Variants in PCDHGA2 observed in about 807,000 individuals in gnomAD.
PCDHGA2 encodes the protein protocadherin gamma subfamily A, 2.
Under a neutral mutation model 59.2 loss-of-function variants are expected in PCDHGA2, and 40 were observed. That is an observed-to-expected ratio of 0.68 (90% CI 0.52 to 0.88). PCDHGA2 has a LOEUF of 0.88. PCDHGA2 is among the 40% of genes least tolerant of loss of function. The probability of loss-of-function intolerance (pLI) is 0.00; values close to 1 mark genes in which losing one functional copy is unlikely to be tolerated. For synonymous variants in PCDHGA2, 560 were observed against 526.0 expected, an observed-to-expected ratio of 1.06 and a Z score of -0.89; for missense variants, 1,226 against 1,204.0, an observed-to-expected ratio of 1.02 and a Z score of -0.27.
At chr5:141,402,162 A>T (rs2150923142) in intron 1 of PCDHGA2, among the ~76,000 whole-genome samples, 1 of 152,306 alleles carries the variant, frequency 6.6e-6, no homozygotes, top group East Asian at 1.9e-4. Context: ...TTAGGCGAGA[A>T]CATCTGTAAC....
intron 1 of PCDHGA2, among the ~76,000 whole-genome samples, chr5:141,484,419 A>G (rs978469951): frequency 1.3e-5 from 2 of 152,206 alleles, no homozygotes; most frequent in Non-Finnish European, 2.9e-5. Flanking sequence ...TCCTGTTACA[A>G]TGAGAACATG....
At chr5:141,347,465 T>C (rs1186569771) in intron 1 of PCDHGA2, among the ~76,000 whole-genome samples, 1 of 152,034 alleles carries the variant, frequency 6.6e-6, no homozygotes, top group Non-Finnish European at 1.5e-5. Flanking sequence ...TGTTATTCTT[T>C]TCATCTCAAT....
chr5:141,421,201 C>A, intron 1 of PCDHGA2: 3 of 1,518,204 alleles, frequency 2.0e-6, no homozygotes, highest in Non-Finnish European at 2.6e-6. Context: ...GCTCGAGAAA[C>A]CGCGGAATAT....
At chr5:141,499,186 T>A (rs1332703037) in intron 2 of PCDHGA2, among the ~76,000 whole-genome samples, 2 of 152,036 alleles carry the variant, frequency 1.3e-5, no homozygotes, top group Non-Finnish European at 2.9e-5. Context: ...AGCAAACCAT[T>A]TCCCCCTTCT....
chr5:141,479,625 T>C (rs2099501262), intron 1 of PCDHGA2: 1 of 152,228 alleles, frequency 6.6e-6, no homozygotes, highest in Non-Finnish European at 1.5e-5. Flanking sequence ...ACCATGTCTC[T>C]TTAACAATAA....
chr5:141,404,021 A>G, intron 1 of PCDHGA2: 1 of 1,613,894 alleles, frequency 6.2e-7, no homozygotes, highest in Non-Finnish European at 8.5e-7. Flanking sequence ...TAGCCCAGTG[A>G]GAGAAGACGC....
intron 1 of PCDHGA2, among the ~76,000 whole-genome samples, chr5:141,468,193 C>T (rs2099159672): frequency 6.6e-6 from 1 of 151,600 alleles, no homozygotes; most frequent in Non-Finnish European, 1.5e-5. Flanking sequence ...GGCATGGTGG[C>T]GGGTGCCTGT....
At chr5:141,384,593 C>A (rs1449911634) in intron 1 of PCDHGA2, 3 of 1,614,252 alleles carry the variant, frequency 1.9e-6, no homozygotes, top group South Asian at 1.1e-5. Context: ...ATCCTGTACC[C>A]GGCCCTCCCC....
chr5:141,403,703 G>A (rs747321937), intron 1 of PCDHGA2: 5 of 1,613,946 alleles, frequency 3.1e-6, no homozygotes, highest in Non-Finnish European at 4.2e-6. Context: ...CCGAGTTAAA[G>A]TCCTTGAGAA....
rs779183487 is a variant in PCDHGA2, at chr5:141,430,845, C to T, written c.2425-63962C>T. ...GGGACTCTGTGGGAGACCGGATGCA[C>T]CCAGATACGCTATTCAGTTCCGGAA... On this transcript the variant is annotated intron_variant, in intron 1 of 3. Coordinates refer to ENST00000394576, the MANE Select transcript of PCDHGA2 (RefSeq NM_018915.4). 27 of 1,575,514 alleles carry T rather than the reference C, an allele frequency of 1.7e-5. No individual in the cohort carries two copies. In the African/African-American group the frequency reaches 3.7e-4, roughly 21 times the overall value.
At position 141,398,766 on chromosome 5, in the gene PCDHGA2, T is replaced by A. The variant is rs775055352; in HGVS notation, c.2424+57371T>A. On this transcript the variant is annotated intron_variant, in intron 1 of 3. Coordinates refer to ENST00000394576, the MANE Select transcript of PCDHGA2 (RefSeq NM_018915.4). ...AGAGTTACCATCGTTTAGTCCTGACTGCCTTGGACGGTGGACATCCACCCC... is the reference window on the plus strand; with the variant it reads ...AGAGTTACCATCGTTTAGTCCTGACAGCCTTGGACGGTGGACATCCACCCC... 2.1e-5 allele frequency: 34 copies of A among 1,613,844 alleles called. 1 individual carries two copies. In the South Asian group the frequency reaches 3.1e-4, roughly 15 times the overall value.
intron 1 of PCDHGA2, chr5:141,414,638 A>G: frequency 6.2e-7 from 1 of 1,613,988 alleles, no homozygotes; most frequent in Non-Finnish European, 8.5e-7. Flanking sequence ...AGCAAAGAGA[A>G]TGCCCAGATT....
intron 1 of PCDHGA2, chr5:141,441,872 G>T: frequency 2.9e-6 from 1 of 341,646 alleles, no homozygotes. Flanking sequence ...GCGGAGCCTG[G>T]CTACCTGGTC....
chr5:141,385,024 C>T lies in PCDHGA2; in HGVS notation c.2424+43629C>T, dbSNP rs756021455. 5.6e-6 allele frequency: 9 copies of T among 1,614,158 alleles called. No individual in the cohort carries two copies. In the East Asian group the frequency reaches 1.1e-4, roughly 20 times the overall value. ...CTCCTGCGTCTTCCTAGCCTTCGTC[C>T]TCGTACTGCTGGCGCTCAGGCTGCG... On this transcript the variant is annotated intron_variant, in intron 1 of 3. Coordinates refer to ENST00000394576, the MANE Select transcript of PCDHGA2 (RefSeq NM_018915.4).
intron 1 of PCDHGA2, chr5:141,346,470 ATTTC>A (rs1561492427): frequency 1.1e-5 from 17 of 1,613,752 alleles, no homozygotes; most frequent in Non-Finnish European, 1.4e-5. Context: ...GAGTTTATTT[ATTTC>A]TTTGATTATT....
Position 141,444,149 on chromosome 5 carries a change from T to C in PCDHGA2, c.2425-50658T>C, listed in dbSNP as rs180678850. On this transcript the variant is annotated intron_variant, in intron 1 of 3. Transcript: ENST00000394576. ...ACAGATATGTGTCACTTGTGTGTAC[T>C]GGATTTTTTTTTTTTTTTTTTTTTT... Among the ~76,000 whole-genome samples, 383 of 136,820 alleles carry C rather than the reference T, an allele frequency of 2.8e-3. 2 individuals carry two copies. Among genetic ancestry groups the C allele is most frequent in the Middle Eastern group, 0.012 (3 of 252 alleles). 89.8% of individuals were successfully genotyped at this position (136,820 alleles called of 152,430 possible). A position where few individuals can be genotyped will look rare whatever the true frequency, so the allele number is the denominator to read the frequency against.
At chr5:141,420,811 CT>C (rs2096526727) in intron 1 of PCDHGA2, among the ~76,000 whole-genome samples, 1 of 152,214 alleles carries the variant, frequency 6.6e-6, no homozygotes, top group Admixed American at 6.5e-5. Flanking sequence ...TAAGCAAGCC[CT>C]TTTAATAATT....
chr5:141,388,424 G>T, intron 1 of PCDHGA2: 2 of 1,613,812 alleles, frequency 1.2e-6, no homozygotes, highest in Non-Finnish European at 1.7e-6. Flanking sequence ...ATTTCTCACT[G>T]ATAAATAAAG....
intron 1 of PCDHGA2, among the ~76,000 whole-genome samples, chr5:141,369,620 T>G (rs1766381490): frequency 6.6e-6 from 1 of 152,226 alleles, no homozygotes; most frequent in Non-Finnish European, 1.5e-5. Context: ...AATCATTTCC[T>G]CATTACCTTT....
Sources: gnomAD v4.1 joint callset for allele counts (sites outside exome capture counted in the v4.1 genomes callset) on GRCh38, gnomAD v4.1.1 for gene constraint, MANE v1.5 for transcripts, NCBI Gene and HGNC (gene_info 2026-07-23, HGNC 2026-07-21) for gene names.